Variants in MINDY2 observed in about 807,000 individuals in gnomAD.
MINDY2 encodes the protein ubiquitin carboxyl-terminal hydrolase MINDY-2.
MINDY2 carries 52 observed loss-of-function variants against 68.2 expected under a neutral mutation model. The ratio of observed to expected loss-of-function variants is 0.76; its 90% CI spans 0.61 to 0.96. MINDY2 has a LOEUF of 0.96. Ranked by LOEUF, MINDY2 falls within the 40% of genes least tolerant of loss-of-function variation. MINDY2 has a pLI of 0.00. For missense variants in MINDY2, 881 were observed against 773.4 expected, an observed-to-expected ratio of 1.14 and a Z score of -1.65; for synonymous variants, 372 against 303.0, an observed-to-expected ratio of 1.23 and a Z score of -2.36.
At chr15:58,845,253 A>G (rs2032477043) in intron 6 of MINDY2, among the ~76,000 whole-genome samples, 2 of 152,086 alleles carry the variant, frequency 1.3e-5, no homozygotes, top group African/African-American at 4.8e-5. Context: ...TAAAAATACA[A>G]AAATTAGCCA....
chr15:58,775,422 T>G (rs1900712174), intron 1 of MINDY2, among the ~76,000 whole-genome samples: 1 of 152,320 alleles, frequency 6.6e-6, no homozygotes, highest in East Asian at 1.9e-4. Flanking sequence ...TGTTTAGACT[T>G]TATATATAGC....
intron 1 of MINDY2, among the ~76,000 whole-genome samples, chr15:58,787,462 G>A (rs1162190272): frequency 6.6e-6 from 1 of 152,004 alleles, no homozygotes; most frequent in Non-Finnish European, 1.5e-5. Flanking sequence ...TATAGGCTGG[G>A]TGCAGTGGCT....
At chr15:58,796,666 G>A (rs1251825195) in intron 2 of MINDY2, among the ~76,000 whole-genome samples, 1 of 152,156 alleles carries the variant, frequency 6.6e-6, no homozygotes, top group Non-Finnish European at 1.5e-5. Flanking sequence ...TGGGATTATA[G>A]GCACCGCCAC....
At position 58,813,111 on chromosome 15, in the gene MINDY2, T is replaced by C. The variant is rs536867793; in HGVS notation, c.1122+2723T>C. ...TAAGTCTCCAAAGCATCATCCAGAT[T>C]GTTGCATCTATCAGTAGTTTGCTCC... On this transcript the variant is annotated intron_variant, in intron 4 of 8. Transcript: ENST00000559228. Among the ~76,000 whole-genome samples the C allele has an allele frequency of 3.9e-5, 6 of 152,350 alleles. No homozygotes were observed. The South Asian group carries it at 1.2e-3, about 32-fold the overall frequency.
intron 7 of MINDY2, 123 bp from the exon 8 acceptor site, chr15:58,851,648 C>G: frequency 1.3e-6 from 1 of 763,500 alleles, no homozygotes; most frequent in Non-Finnish European, 2.0e-6. Flanking sequence ...GCTATATTGC[C>G]CAGGCCTGGT....
chr15:58,797,404 A>T (rs1308090149), intron 2 of MINDY2, among the ~76,000 whole-genome samples: 1 of 152,088 alleles, frequency 6.6e-6, no homozygotes, highest in Non-Finnish European at 1.5e-5. Flanking sequence ...GCTGCTCAGG[A>T]GGTTAAGGCA....
intron 5 of MINDY2, among the ~76,000 whole-genome samples, chr15:58,831,041 G>GTGTGTGTGTGTATA (rs565786025): frequency 2.4e-5 from 3 of 124,902 alleles, no homozygotes; most frequent in African/African-American, 1.0e-4. Context: ...GTGTGTGTGT[G>GTGTGTGTGTGTATA]TATATATATA....
chr15:58,823,139 CTTT>C (rs74641422), intron 5 of MINDY2, among the ~76,000 whole-genome samples: 1 of 132,046 alleles, frequency 7.6e-6, no homozygotes, highest in Non-Finnish European at 1.6e-5. Context: ...TTTTTTTTTT[CTTT>C]TTTTTTTTTT....
In MINDY2 at chr15:58,854,359, C is replaced by T. The variant is rs866630078; in HGVS notation, c.1738-123C>T. 1.7e-5 allele frequency: 18 copies of T among 1,040,826 alleles called. No homozygotes were observed. The Middle Eastern group carries it at 3.2e-3, about 186-fold the overall frequency. 64.5% of individuals were successfully genotyped at this position (1,040,826 alleles called of 1,614,324 possible). Reference sequence around the variant, plus strand: ...CATGTAATATAACAAATCTGTATGCCAATAGCTAGCTTCTTTTTCCATCAG... The same window carrying T: ...CATGTAATATAACAAATCTGTATGCTAATAGCTAGCTTCTTTTTCCATCAG... On this transcript the variant is annotated intron_variant, in intron 8 of 8. Transcript: ENST00000559228.
chr15:58,808,481 A>C (rs1156757228), intron 3 of MINDY2, among the ~76,000 whole-genome samples: 2 of 152,000 alleles, frequency 1.3e-5, no homozygotes, highest in Non-Finnish European at 2.9e-5. Flanking sequence ...TTTTCATATT[A>C]GCTTGTTTTC....
At chr15:58,782,198 A>G (rs1176489826) in intron 1 of MINDY2, among the ~76,000 whole-genome samples, 1 of 152,124 alleles carries the variant, frequency 6.6e-6, no homozygotes, top group Non-Finnish European at 1.5e-5. Context: ...TTTTCTAAAG[A>G]ATAATTTCTT....
At chr15:58,775,341 C>T (rs561221622) in intron 1 of MINDY2, among the ~76,000 whole-genome samples, 10 of 152,184 alleles carry the variant, frequency 6.6e-5, no homozygotes, top group South Asian at 6.2e-4. Context: ...TTGAGAAATG[C>T]TTTAGTAGAG....
At chr15:58,816,148 T>A (rs1196457444) in intron 4 of MINDY2, among the ~76,000 whole-genome samples, 1 of 152,186 alleles carries the variant, frequency 6.6e-6, no homozygotes, top group Admixed American at 6.5e-5. Context: ...AAACCAGAGA[T>A]CATAATAGCA....
At chr15:58,779,710 A>G (rs1486104138) in intron 1 of MINDY2, among the ~76,000 whole-genome samples, 1 of 152,220 alleles carries the variant, frequency 6.6e-6, no homozygotes, top group South Asian at 2.1e-4. Flanking sequence ...TGAGGCTTTC[A>G]TTCCCAGTCT....
chr15:58,799,190 C>G (rs1329810038), intron 2 of MINDY2, among the ~76,000 whole-genome samples: 1 of 152,134 alleles, frequency 6.6e-6, no homozygotes, highest in Non-Finnish European at 1.5e-5. Flanking sequence ...CGTGCCAGAA[C>G]AAATGTTCAA....
At chr15:58,772,778 A>G (rs1243530837) in intron 1 of MINDY2, among the ~76,000 whole-genome samples, 2 of 152,220 alleles carry the variant, frequency 1.3e-5, no homozygotes, top group Admixed American at 6.5e-5. Flanking sequence ...CTGAGACCCA[A>G]TTACCGTAAC....
intron 7 of MINDY2, among the ~76,000 whole-genome samples, chr15:58,849,142 G>A (rs967019049): frequency 1.2e-4 from 18 of 151,296 alleles, no homozygotes; most frequent in African/African-American, 3.9e-4. Context: ...CCCAGGGGGC[G>A]GAAGTTGCAG....
intron 4 of MINDY2, among the ~76,000 whole-genome samples, chr15:58,818,339 A>G (rs570063803): frequency 2.0e-5 from 3 of 152,246 alleles, no homozygotes; most frequent in African/African-American, 7.2e-5. Context: ...GCTCACTGCA[A>G]CCTGGTACTT....
chr15:58,837,970 A>G (rs1487689647), intron 6 of MINDY2, among the ~76,000 whole-genome samples: 1 of 94,820 alleles, frequency 1.1e-5, no homozygotes, highest in Non-Finnish European at 2.1e-5. Context: ...CCTTCTTTCA[A>G]AAAAAAAAAA....
Sources: allele counts gnomAD v4.1 joint callset (sites outside exome capture counted in the v4.1 genomes callset), GRCh38; gene constraint gnomAD v4.1.1; transcripts MANE v1.5; gene names NCBI Gene and HGNC (gene_info 2026-07-23, HGNC 2026-07-21).